WNT7A: variants seen among roughly 807,000 people sequenced by gnomAD.
WNT7A encodes the protein Wnt family member 7A.
In WNT7A, 16 loss-of-function variants were observed where a neutral mutation model predicts 28.2. That is an observed-to-expected ratio of 0.57 (90% CI 0.38 to 0.86). WNT7A has a LOEUF of 0.86. Among genes scored for constraint, WNT7A ranks in the 40% least tolerant of loss-of-function variants. The pLI is 0.00. For missense variants in WNT7A, 411 were observed against 489.7 expected, an observed-to-expected ratio of 0.84 and a Z score of 1.52; for synonymous variants, 190 against 195.9, an observed-to-expected ratio of 0.97 and a Z score of 0.25.
intron 2 of WNT7A, among the ~76,000 whole-genome samples, chr3:13,859,261 G>A (rs368071905): frequency 2.6e-4 from 40 of 152,208 alleles, no homozygotes; most frequent in African/African-American, 6.3e-4. Flanking sequence ...CACTCCCACC[G>A]TCTCCAACCT....
At chr3:13,840,046 C>T (rs772848613) in intron 3 of WNT7A, among the ~76,000 whole-genome samples, 1 of 152,204 alleles carries the variant, frequency 6.6e-6, no homozygotes, top group African/African-American at 2.4e-5. Flanking sequence ...CTGCACTCCC[C>T]ACTCTCTAAC....
intron 3 of WNT7A, among the ~76,000 whole-genome samples, chr3:13,853,226 G>A (rs73817651): frequency 2.6e-3 from 396 of 152,296 alleles, no homozygotes; most frequent in African/African-American, 9.0e-3. Context: ...TCTGTCCTCG[G>A]TATGCTTAAA....
At chr3:13,824,620 G>C in intron 3 of WNT7A, among the ~76,000 whole-genome samples, 1 of 152,108 alleles carries the variant, frequency 6.6e-6, no homozygotes, top group East Asian at 1.9e-4. Context: ...GGGCCGAGCC[G>C]AGCCCCACCC....
At chr3:13,842,683 G>A (rs1239691885) in intron 3 of WNT7A, among the ~76,000 whole-genome samples, 5 of 152,218 alleles carry the variant, frequency 3.3e-5, no homozygotes, top group Non-Finnish European at 5.9e-5. Flanking sequence ...CAACTGGAAG[G>A]ATGCAGATGC....
At chr3:13,824,169 G>A (rs565285641) in intron 3 of WNT7A, among the ~76,000 whole-genome samples, 1 of 152,188 alleles carries the variant, frequency 6.6e-6, no homozygotes, top group East Asian at 1.9e-4. Context: ...ATTCAGAATT[G>A]TACCACTATC....
At chr3:13,824,835 C>T (rs1274609321) in intron 3 of WNT7A, among the ~76,000 whole-genome samples, 1 of 152,150 alleles carries the variant, frequency 6.6e-6, no homozygotes, top group Non-Finnish European at 1.5e-5. Context: ...GTCAAAGAGC[C>T]TCACAGGGAC....
At chr3:13,830,005 C>T (rs1694252201) in intron 3 of WNT7A, among the ~76,000 whole-genome samples, 1 of 152,198 alleles carries the variant, frequency 6.6e-6, no homozygotes, top group African/African-American at 2.4e-5. Context: ...TGCTGCCTGG[C>T]ATGGCAACCC....
intron 2 of WNT7A, among the ~76,000 whole-genome samples, chr3:13,866,567 G>C (rs546236158): frequency 3.8e-4 from 58 of 152,324 alleles, no homozygotes; most frequent in Admixed American, 2.5e-3. Context: ...CACTAGAGAG[G>C]GGGTAATGAA....
chr3:13,859,061 G>A (rs1398028594), intron 2 of WNT7A, among the ~76,000 whole-genome samples: 1 of 152,226 alleles, frequency 6.6e-6, no homozygotes, highest in African/African-American at 2.4e-5. Flanking sequence ...GCTGAGCACA[G>A]TGCCTGGCAT....
At chr3:13,849,100 T>C (rs1694588451) in intron 3 of WNT7A, among the ~76,000 whole-genome samples, 1 of 152,182 alleles carries the variant, frequency 6.6e-6, no homozygotes, top group African/African-American at 2.4e-5. Flanking sequence ...GGAAGGGAAG[T>C]AGAAGTGGCT....
intron 3 of WNT7A, among the ~76,000 whole-genome samples, chr3:13,833,267 T>C (rs756443679): frequency 5.9e-5 from 9 of 152,114 alleles, no homozygotes; most frequent in Non-Finnish European, 8.8e-5. Context: ...GCATGACACA[T>C]ATGCTCACAC....
chr3:13,844,824 A>G (rs1429419045), intron 3 of WNT7A, among the ~76,000 whole-genome samples: 1 of 151,998 alleles, frequency 6.6e-6, no homozygotes, highest in Non-Finnish European at 1.5e-5. Flanking sequence ...CTGGTGCCAG[A>G]CCCTCCAGAA....
chr3:13,824,926 G>A (rs915389992), intron 3 of WNT7A, among the ~76,000 whole-genome samples: 3 of 152,156 alleles, frequency 2.0e-5, no homozygotes, highest in Admixed American at 2.0e-4. Context: ...GCACATCTAT[G>A]AGTTGGAATG....
chr3:13,843,510 G>T (rs922116024), intron 3 of WNT7A, among the ~76,000 whole-genome samples: 2 of 151,918 alleles, frequency 1.3e-5, no homozygotes, highest in South Asian at 2.1e-4. Context: ...ACACCTCCCC[G>T]CATGGTCTGG....
intron 2 of WNT7A, among the ~76,000 whole-genome samples, chr3:13,858,308 C>T (rs951156466): frequency 6.6e-6 from 1 of 152,196 alleles, no homozygotes; most frequent in African/African-American, 2.4e-5. Context: ...AAAGACTGGC[C>T]CCTCTCCCTT....
chr3:13,857,589 A>G (rs1386801966), intron 2 of WNT7A, among the ~76,000 whole-genome samples: 5 of 152,116 alleles, frequency 3.3e-5, no homozygotes, highest in Admixed American at 1.3e-4. Flanking sequence ...TGCATGCTCC[A>G]AGGGCTCCAA....
chr3:13,845,208 A>G (rs1448533475), intron 3 of WNT7A, among the ~76,000 whole-genome samples: 1 of 152,196 alleles, frequency 6.6e-6, no homozygotes, highest in South Asian at 2.1e-4. Flanking sequence ...GCAGGAGGCC[A>G]GGGAGGTGAC....
Position 13,879,859 on chromosome 3 carries a change from T to A in WNT7A, c.-43A>T. ...GGGGCCGCGGGCCGGGCTGTGCTGA[T>A]CCCGCGGGCCGGCCCCGGCGGGGCA... On this transcript the variant is annotated 5_prime_UTR_variant, in exon 1 of 4. Coordinates refer to ENST00000285018, the MANE Select transcript of WNT7A (RefSeq NM_004625.4). 6.5e-7 allele frequency: 1 copy of A among 1,527,936 alleles called. No homozygotes were observed. Among genetic ancestry groups the A allele is most frequent in the South Asian group, 1.2e-5 (1 of 81,160 alleles). 94.6% of individuals were successfully genotyped at this position (1,527,936 alleles called of 1,614,324 possible).
chr3:13,854,350 T>C (rs1694690835), intron 3 of WNT7A, among the ~76,000 whole-genome samples, 182 bp downstream of exon 3: 1 of 152,128 alleles, frequency 6.6e-6, no homozygotes, highest in Non-Finnish European at 1.5e-5. Context: ...CTTCAGTAAC[T>C]GACAAGCTTC....
Sources: gnomAD v4.1 joint callset for allele counts (sites outside exome capture counted in the v4.1 genomes callset) on GRCh38, gnomAD v4.1.1 for gene constraint, MANE v1.5 for transcripts, NCBI Gene and HGNC (gene_info 2026-07-23, HGNC 2026-07-21) for gene names.